PLEKHA7: variants seen among roughly 807,000 people sequenced by gnomAD.
PLEKHA7 encodes the protein pleckstrin homology domain-containing family A member 7.
A neutral mutation model predicts 170.0 loss-of-function variants in PLEKHA7; 104 were observed. The ratio of observed to expected loss-of-function variants is 0.61; its 90% CI spans 0.52 to 0.72. The LOEUF (loss-of-function observed/expected upper bound fraction) is 0.72, where lower values mean the gene tolerates loss of function less well. PLEKHA7 is among the 30% of genes least tolerant of loss of function. The pLI, the probability that PLEKHA7 is intolerant of heterozygous loss-of-function variation, is 0.00. For synonymous variants in PLEKHA7, 648 were observed against 660.8 expected (o/e 0.98, Z 0.30); for missense variants, 1,615 against 1,671.7 (o/e 0.97, Z 0.59).
intron 3 of PLEKHA7, among the ~76,000 whole-genome samples, chr11:16,908,565 G>A (rs531734472): frequency 5.4e-4 from 82 of 151,428 alleles, no homozygotes; most frequent in African/African-American, 1.7e-3. Context: ...GCGCAAACTC[G>A]GCTCACTGAA....
intron 10 of PLEKHA7, among the ~76,000 whole-genome samples, chr11:16,823,904 C>T (rs1850434092): frequency 6.6e-6 from 1 of 152,202 alleles, no homozygotes; most frequent in Non-Finnish European, 1.5e-5. Flanking sequence ...TATTTATACT[C>T]AGTGGAGTAG....
chr11:16,916,662 G>A (rs1050313494), intron 3 of PLEKHA7, among the ~76,000 whole-genome samples: 5 of 152,140 alleles, frequency 3.3e-5, no homozygotes, highest in African/African-American at 1.2e-4. Flanking sequence ...AGGCCCAAAA[G>A]GCTTAAGTCT....
At chr11:16,924,046 A>G (rs924409888) in intron 3 of PLEKHA7, among the ~76,000 whole-genome samples, 7 of 151,734 alleles carry the variant, frequency 4.6e-5, no homozygotes, top group African/African-American at 1.5e-4. Flanking sequence ...ACCTCCCCAG[A>G]GCCCAGCCTG....
intron 3 of PLEKHA7, among the ~76,000 whole-genome samples, chr11:16,918,670 G>A (rs554941564): frequency 6.6e-6 from 1 of 152,316 alleles, no homozygotes; most frequent in African/African-American, 2.4e-5. Flanking sequence ...AGGAGGAAGT[G>A]TAAACTGGTG....
Position 16,789,037 on chromosome 11 carries a change from A to G in PLEKHA7, c.3357+59T>C. On this transcript the variant is annotated intron_variant, in intron 23 of 26. Coordinates refer to ENST00000531066, the MANE Select transcript of PLEKHA7 (RefSeq NM_001329630.2). This position sits in a 1 kb window ranked among gnomAD's most constrained non-coding sequence, Gnocchi z 4.6. ...GGTGTGATGTGCTTGTGTTTGGGGG[A>G]CTCTGAGGGGCACTCGGCTCCCTGT... 1 of 1,551,496 alleles carries G rather than the reference A, an allele frequency of 6.4e-7. No individual in the cohort carries two copies. The highest frequency in any genetic ancestry group is 1.2e-5 in the South Asian group (1 of 86,184).
intron 4 of PLEKHA7, among the ~76,000 whole-genome samples, chr11:16,864,570 C>G (rs916576073): frequency 6.6e-6 from 1 of 152,128 alleles, no homozygotes; most frequent in Non-Finnish European, 1.5e-5. Flanking sequence ...GGGAGGGACC[C>G]AGTGGAAGGT....
intron 3 of PLEKHA7, among the ~76,000 whole-genome samples, chr11:16,947,574 G>C (rs1368388380): frequency 5.4e-5 from 8 of 147,724 alleles, no homozygotes; most frequent in East Asian, 2.0e-4. Context: ...CTGAGCGAGA[G>C]AGCGAGACTC....
intron 9 of PLEKHA7, among the ~76,000 whole-genome samples, chr11:16,829,876 C>T (rs562596450): frequency 4.9e-4 from 74 of 151,728 alleles, no homozygotes; most frequent in African/African-American, 1.7e-3. Context: ...TTTTTTCACA[C>T]GATAGGTTTT....
chr11:16,811,814 C>T (rs995258138), intron 13 of PLEKHA7, among the ~76,000 whole-genome samples: 3 of 152,152 alleles, frequency 2.0e-5, no homozygotes, highest in Non-Finnish European at 2.9e-5. Flanking sequence ...GACCTAGTGC[C>T]ACCTCCCCTC....
At chr11:16,847,079 T>G (rs1852468409) in intron 8 of PLEKHA7, among the ~76,000 whole-genome samples, 1 of 136,044 alleles carries the variant, frequency 7.4e-6, no homozygotes, top group Admixed American at 7.6e-5. Context: ...GTGGCTGAAG[T>G]TTTTTTTTTT....
chr11:16,932,384 C>T (rs1018415252), intron 3 of PLEKHA7, among the ~76,000 whole-genome samples: 1 of 150,748 alleles, frequency 6.6e-6, no homozygotes, highest in African/African-American at 2.4e-5. Context: ...CTCAGGTGAT[C>T]CTCTCACCTC....
Position 16,816,237 on chromosome 11 carries a change from T to C in PLEKHA7, c.1894A>G (p.Met632Val), listed in dbSNP as rs1200716544. The C allele has an allele frequency of 6.2e-7, 1 of 1,613,912 alleles. No individual in the cohort carries two copies. ...KNSSHVDRRS[M>V]PSMGYMTHTV... ...TGGGTCATGTAACCCATGGAGGGCATGGAGCGTCGGTCCACATGAGATGAG... is the reference window on the plus strand; with the variant it reads ...TGGGTCATGTAACCCATGGAGGGCACGGAGCGTCGGTCCACATGAGATGAG... Residue 632 changes from methionine (M) to valine (V), a missense_variant, in exon 12 of 27, where the codon ATG becomes GTG. Met to Val is a conservative substitution (Grantham distance 21). Coordinates refer to ENST00000531066, the MANE Select transcript of PLEKHA7 (RefSeq NM_001329630.2).
chr11:16,971,905 C>T (rs1002169133), intron 3 of PLEKHA7, among the ~76,000 whole-genome samples: 6 of 152,088 alleles, frequency 3.9e-5, no homozygotes, highest in Admixed American at 3.9e-4. Context: ...CTTACTGCAA[C>T]CTCTGCCTCC....
At chr11:16,894,987 G>C (rs1390389938) in intron 3 of PLEKHA7, among the ~76,000 whole-genome samples, 3 of 152,104 alleles carry the variant, frequency 2.0e-5, no homozygotes, top group African/African-American at 7.2e-5. Flanking sequence ...CTGAGGATCA[G>C]AAAAATTAAG....
intron 9 of PLEKHA7, among the ~76,000 whole-genome samples, chr11:16,830,040 G>A (rs763995041): frequency 1.3e-5 from 2 of 151,836 alleles, no homozygotes; most frequent in East Asian, 1.9e-4. Flanking sequence ...ATGCACTAGC[G>A]TGAACAGAGC....
chr11:16,832,548 A>T (rs1416149975), intron 9 of PLEKHA7, among the ~76,000 whole-genome samples: 1 of 152,172 alleles, frequency 6.6e-6, no homozygotes, highest in Non-Finnish European at 1.5e-5. Flanking sequence ...CCTCCAAATC[A>T]TTTATCTCAT....
intron 13 of PLEKHA7, among the ~76,000 whole-genome samples, chr11:16,810,424 G>A (rs1262554286): frequency 6.6e-6 from 1 of 152,206 alleles, no homozygotes; most frequent in Admixed American, 6.5e-5. Context: ...TGGCAGCCAT[G>A]TCAGACTGAT....
intron 23 of PLEKHA7, chr11:16,788,838 G>C: frequency 1.8e-6 from 1 of 562,236 alleles, no homozygotes; most frequent in Non-Finnish European, 3.2e-6. Flanking sequence ...CTCCATCGCG[G>C]CTGGGAGGAC....
At chr11:16,887,234 C>G (rs1856180878) in intron 3 of PLEKHA7, among the ~76,000 whole-genome samples, 1 of 151,916 alleles carries the variant, frequency 6.6e-6, no homozygotes, top group South Asian at 2.1e-4. Flanking sequence ...ATTGCTTAAG[C>G]CCAGGAGTTC....
Sources: allele counts gnomAD v4.1 joint callset (sites outside exome capture counted in the v4.1 genomes callset), GRCh38; gene constraint gnomAD v4.1.1; non-coding constraint Gnocchi (gnomAD v3.1); transcripts MANE v1.5; gene names NCBI Gene and HGNC (gene_info 2026-07-23, HGNC 2026-07-21).